Variants in EBF2 observed in about 807,000 individuals in gnomAD.
EBF2 encodes the protein EBF transcription factor 2.
Under a neutral mutation model 72.8 loss-of-function variants are expected in EBF2, and 21 were observed. The ratio of observed to expected loss-of-function variants is 0.29; its 90% CI spans 0.20 to 0.42. The LOEUF is 0.42. Ranked by LOEUF, EBF2 falls within the 10% of genes least tolerant of loss-of-function variation. The pLI is 1.00. For synonymous variants in EBF2, 299 were observed against 274.2 expected (o/e 1.09, Z -0.89); for missense variants, 637 against 731.2 (o/e 0.87, Z 1.49).
chr8:26,022,151 T>C (rs1440503385), intron 6 of EBF2, among the ~76,000 whole-genome samples: 1 of 152,190 alleles, frequency 6.6e-6, no homozygotes, highest in Non-Finnish European at 1.5e-5. Context: ...ATCCCACTGT[T>C]TCTCTTGTCC....
In EBF2 at chr8:26,032,278, T is replaced by C. The variant is rs534595072; in HGVS notation, c.551+807A>G. On this transcript the variant is annotated intron_variant, in intron 6 of 15. Transcript: ENST00000520164. ...GAGGTTCCATTCTCCCAACTGAGAATTCGTTGGAATATTGGAATAACAACT... is the reference window on the plus strand; with the variant it reads ...GAGGTTCCATTCTCCCAACTGAGAACTCGTTGGAATATTGGAATAACAACT... 5 of 152,332 alleles carry C rather than the reference T, an allele frequency of 3.3e-5. No homozygotes were observed. In the East Asian group the frequency reaches 5.8e-4, roughly 18 times the overall value. 9.4% of individuals were successfully genotyped at this position (152,332 alleles called of 1,614,324 possible).
chr8:25,992,793 A>G (rs1804565921), intron 6 of EBF2, among the ~76,000 whole-genome samples: 1 of 151,772 alleles, frequency 6.6e-6, no homozygotes, highest in Admixed American at 6.6e-5. Context: ...GGTCCCAGCT[A>G]CTTAGGAGGC....
chr8:25,914,755 G>C (rs181802050), intron 6 of EBF2, among the ~76,000 whole-genome samples: 1 of 152,176 alleles, frequency 6.6e-6, no homozygotes, highest in Non-Finnish European at 1.5e-5. Context: ...ATTTTTGTAA[G>C]CTGATGTTCT....
chr8:25,858,635 T>C (rs1378844593), intron 13 of EBF2, 131 bp from the exon 14 acceptor site: 4 of 575,270 alleles, frequency 7.0e-6, no homozygotes, highest in South Asian at 2.9e-5. Flanking sequence ...GTAGGAAGTG[T>C]GCAGTCCATC....
At chr8:26,028,427 C>T (rs774412989) in intron 6 of EBF2, among the ~76,000 whole-genome samples, 1 of 152,192 alleles carries the variant, frequency 6.6e-6, no homozygotes, top group Non-Finnish European at 1.5e-5. Flanking sequence ...AAATACCCTA[C>T]CAGTACGCAC....
chr8:25,922,669 C>T (rs1255867987), intron 6 of EBF2, among the ~76,000 whole-genome samples: 2 of 152,200 alleles, frequency 1.3e-5, no homozygotes, highest in East Asian at 1.9e-4. Flanking sequence ...AAAGTTGAAA[C>T]TTTCAGTGTC....
rs143841795 is a variant in EBF2 at position 25,896,768 on chromosome 8, G to A, written c.634-6899C>T. Among the ~76,000 whole-genome samples the A allele has an allele frequency of 1.2e-4, 18 of 152,236 alleles. No individual in the cohort carries two copies. In the East Asian group the frequency reaches 2.1e-3, roughly 18 times the overall value. ...ACACGTCGGGTTTTTACACAATCCC[G>A]AATTCTCATCATGGACAAGGTGAAT... On this transcript the variant is annotated intron_variant, in intron 7 of 15. Coordinates refer to ENST00000520164, the MANE Select transcript of EBF2 (RefSeq NM_022659.4).
chr8:26,005,580 G>GAGAGAGAGT (rs1175982048), intron 6 of EBF2, among the ~76,000 whole-genome samples: 1 of 22,870 alleles, frequency 4.4e-5, no homozygotes, highest in South Asian at 1.3e-3. Flanking sequence ...AGAGAGAGAG[G>GAGAGAGAGT]TATTTTGGGA....
chr8:25,907,648 A>C (rs1168570203), intron 7 of EBF2, among the ~76,000 whole-genome samples: 2 of 152,004 alleles, frequency 1.3e-5, no homozygotes, highest in African/African-American at 4.8e-5. Flanking sequence ...CAGGCGAAAC[A>C]TGAGGCTAAG....
chr8:25,866,308 T>C (rs1341965230), intron 10 of EBF2, among the ~76,000 whole-genome samples: 1 of 151,242 alleles, frequency 6.6e-6, no homozygotes, highest in Non-Finnish European at 1.5e-5. Context: ...AAATATGGTG[T>C]TGGCTATTTG....
intron 6 of EBF2, among the ~76,000 whole-genome samples, chr8:25,956,671 T>C (rs1017315374): frequency 6.6e-6 from 1 of 152,338 alleles, no homozygotes; most frequent in South Asian, 2.1e-4. Context: ...TGAGAACATG[T>C]TGTATTTCTG....
rs891682190 is a variant in EBF2 at position 25,844,733 on chromosome 8, G to A, written c.1697-93C>T. 1.0e-5 allele frequency: 15 copies of A among 1,492,670 alleles called. No individual in the cohort carries two copies. In the East Asian group the frequency reaches 3.4e-4, roughly 34 times the overall value. The allele number at this position is 1,492,670 out of a possible 1,614,324, so 92.5% of individuals were successfully genotyped here. ...TGAGGGGCAGGGGATGGGAATGATA[G>A]AGTCTGATGCTATTCAAGGAGATGG... On this transcript the variant is annotated intron_variant, in intron 15 of 15. Coordinates refer to ENST00000520164, the MANE Select transcript of EBF2 (RefSeq NM_022659.4).
At chr8:25,862,503 A>G (rs1210259722) in intron 11 of EBF2, among the ~76,000 whole-genome samples, 1 of 152,158 alleles carries the variant, frequency 6.6e-6, no homozygotes, top group Non-Finnish European at 1.5e-5. Context: ...CTGTTTAATC[A>G]GCTCAAATGT....
chr8:25,944,522 A>G (rs937914183), intron 6 of EBF2, among the ~76,000 whole-genome samples: 2 of 151,300 alleles, frequency 1.3e-5, no homozygotes, highest in Non-Finnish European at 2.9e-5. Flanking sequence ...ATATTTGAAA[A>G]TTGTATAGTC....
rs183484200 is a variant in EBF2, at chr8:25,994,832, A to G, written c.551+38253T>C. Among the ~76,000 whole-genome samples, 99 of 152,346 alleles carry G rather than the reference A, an allele frequency of 6.5e-4. 1 individual carries two copies. Among genetic ancestry groups the G allele is most frequent in the African/African-American group, 2.3e-3 (96 of 41,584 alleles). ...AAAACTACCTATGTGTGCTATGTTC[A>G]CTACCTGGATGACAGAATAATTTAT... On this transcript the variant is annotated intron_variant, in intron 6 of 15. Transcript: ENST00000520164.
intron 6 of EBF2, among the ~76,000 whole-genome samples, chr8:26,001,521 C>T (rs915281861): frequency 6.6e-6 from 1 of 152,010 alleles, no homozygotes; most frequent in Non-Finnish European, 1.5e-5. Flanking sequence ...TTAAACATGG[C>T]ATACATATAA....
At chr8:25,852,386 A>C (rs1172177972) in intron 14 of EBF2, among the ~76,000 whole-genome samples, 1 of 152,154 alleles carries the variant, frequency 6.6e-6, no homozygotes, top group Non-Finnish European at 1.5e-5. Flanking sequence ...AAAAGCTGGG[A>C]CTTAGGAGGC....
intron 6 of EBF2, chr8:26,032,360 C>T (rs907957627): frequency 6.6e-6 from 1 of 152,014 alleles, no homozygotes. Flanking sequence ...TGTGAAAACC[C>T]AAAGAAAGAA....
At chr8:25,859,341 G>A (rs1265483777) in intron 13 of EBF2, among the ~76,000 whole-genome samples, 1 of 152,164 alleles carries the variant, frequency 6.6e-6, no homozygotes, top group African/African-American at 2.4e-5. Context: ...TCACCTCTCT[G>A]GGGCCACTTG....
Sources: gnomAD v4.1 joint callset for allele counts (sites outside exome capture counted in the v4.1 genomes callset) on GRCh38, gnomAD v4.1.1 for gene constraint, MANE v1.5 for transcripts, NCBI Gene and HGNC (gene_info 2026-07-23, HGNC 2026-07-21) for gene names.